DNM3: variants seen among roughly 807,000 people sequenced by gnomAD.
The protein encoded by DNM3 is dynamin 3, also known as dynamin-3.
In DNM3, 47 loss-of-function variants were observed where a neutral mutation model predicts 101.6. The ratio of observed to expected loss-of-function variants is 0.46; its 90% CI spans 0.37 to 0.59. The LOEUF (loss-of-function observed/expected upper bound fraction) is 0.59. DNM3 is among the 20% of genes least tolerant of loss of function. The pLI, the probability that DNM3 is intolerant of heterozygous loss-of-function variation, is 0.00. For synonymous variants in DNM3, 385 were observed against 387.9 expected (o/e 0.99, Z 0.09); for missense variants, 849 against 1,085.7 (o/e 0.78, Z 3.06).
At chr1:172,226,984 G>A (rs995103926) in intron 14 of DNM3, among the ~76,000 whole-genome samples, 3 of 151,406 alleles carry the variant, frequency 2.0e-5, no homozygotes, top group African/African-American at 7.3e-5. Flanking sequence ...GTGAAGTTGG[G>A]GATTTTAATG....
intron 17 of DNM3, among the ~76,000 whole-genome samples, chr1:172,354,030 C>T (rs369770120): frequency 1.3e-5 from 2 of 150,602 alleles, no homozygotes; most frequent in South Asian, 2.1e-4. Flanking sequence ...TCAGTAACTT[C>T]TCCGAAATAG....
intron 4 of DNM3, among the ~76,000 whole-genome samples, chr1:172,025,102 T>A (rs935056773): frequency 6.6e-6 from 1 of 152,214 alleles, no homozygotes; most frequent in Non-Finnish European, 1.5e-5. Flanking sequence ...CTGGGACGCT[T>A]GAGCTTTGTT....
At chr1:172,269,431 C>T (rs577020032) in intron 15 of DNM3, among the ~76,000 whole-genome samples, 1 of 152,108 alleles carries the variant, frequency 6.6e-6, no homozygotes, top group Admixed American at 6.5e-5. Context: ...GATAGGGGAC[C>T]CAATCGCTAG....
chr1:172,195,264 A>G (rs2059906063), intron 14 of DNM3, among the ~76,000 whole-genome samples: 4 of 151,992 alleles, frequency 2.6e-5, no homozygotes, highest in Admixed American at 2.6e-4. Flanking sequence ...TGACTTTTGT[A>G]TATTAATCTT....
intron 4 of DNM3, among the ~76,000 whole-genome samples, chr1:172,017,663 T>A (rs947921935): frequency 6.6e-6 from 1 of 152,120 alleles, no homozygotes; most frequent in Non-Finnish European, 1.5e-5. Context: ...TAGAGAAAAA[T>A]GTTTATTCTC....
intron 13 of DNM3, among the ~76,000 whole-genome samples, chr1:172,124,303 G>C (rs144806782): frequency 3.9e-5 from 6 of 152,032 alleles, no homozygotes; most frequent in Non-Finnish European, 7.4e-5. Flanking sequence ...TGCATTTACC[G>C]TCAAGGGGGA....
chr1:172,261,294 T>C (rs1342913583), intron 15 of DNM3, among the ~76,000 whole-genome samples: 2 of 152,220 alleles, frequency 1.3e-5, no homozygotes, highest in Non-Finnish European at 2.9e-5. Flanking sequence ...TTTTCTGACA[T>C]GTATCTATGG....
At chr1:172,087,804 A>G (rs2053636868) in intron 12 of DNM3, among the ~76,000 whole-genome samples, 1 of 152,170 alleles carries the variant, frequency 6.6e-6, no homozygotes, top group African/African-American at 2.4e-5. Flanking sequence ...TGTTACTTTC[A>G]GAATAAAGTC....
chr1:172,225,574 ATTT>A (rs11339745), intron 14 of DNM3, among the ~76,000 whole-genome samples: 13 of 148,734 alleles, frequency 8.7e-5, no homozygotes, highest in African/African-American at 3.2e-4. Flanking sequence ...CCAAATGACC[ATTT>A]TTTTTTTGCC....
intron 15 of DNM3, among the ~76,000 whole-genome samples, chr1:172,264,169 T>A (rs941167158): frequency 6.6e-6 from 1 of 152,208 alleles, no homozygotes; most frequent in Non-Finnish European, 1.5e-5. Context: ...ATAGTATTAG[T>A]CAAAGCCAAT....
chr1:172,380,540 A>T (rs1214298661), intron 18 of DNM3, among the ~76,000 whole-genome samples: 1 of 152,054 alleles, frequency 6.6e-6, no homozygotes, highest in East Asian at 1.9e-4. Flanking sequence ...GAAATGTGGG[A>T]ACTATGAATT....
At chr1:172,272,613 T>C (rs973455599) in intron 15 of DNM3, among the ~76,000 whole-genome samples, 2 of 152,164 alleles carry the variant, frequency 1.3e-5, no homozygotes, top group African/African-American at 4.8e-5. Flanking sequence ...TCTTTGAGGA[T>C]TAGTTAGTAC....
chr1:172,033,437 C>T (rs757954903), intron 6 of DNM3, among the ~76,000 whole-genome samples, 172 bp downstream of exon 6: 1 of 152,040 alleles, frequency 6.6e-6, no homozygotes, highest in East Asian at 1.9e-4. Flanking sequence ...TATTACCGTT[C>T]TCAGTGAATA....
chr1:171,862,089 T>A (rs933340312), intron 1 of DNM3, among the ~76,000 whole-genome samples: 2 of 152,078 alleles, frequency 1.3e-5, no homozygotes, highest in Non-Finnish European at 2.9e-5. Flanking sequence ...CAACTGCTGG[T>A]GAGGATGTGG....
At chr1:172,366,288 A>T (rs1327745343) in intron 17 of DNM3, among the ~76,000 whole-genome samples, 1 of 151,940 alleles carries the variant, frequency 6.6e-6, no homozygotes, top group East Asian at 1.9e-4. Flanking sequence ...GAAAAACAAA[A>T]CAAAACCAAC....
At chr1:171,951,220 T>C (rs1202008415) in intron 2 of DNM3, among the ~76,000 whole-genome samples, 1 of 152,196 alleles carries the variant, frequency 6.6e-6, no homozygotes, top group Non-Finnish European at 1.5e-5. Context: ...TGACATTCCC[T>C]CCTGTTCTTT....
At chr1:172,080,326 G>T (rs2053038134) in intron 11 of DNM3, among the ~76,000 whole-genome samples, 1 of 152,172 alleles carries the variant, frequency 6.6e-6, no homozygotes, top group South Asian at 2.1e-4. Context: ...CCTGCCCAGA[G>T]AGGAGGAACC....
At chr1:172,088,993 C>A (rs1440096380) in intron 12 of DNM3, among the ~76,000 whole-genome samples, 1 of 152,208 alleles carries the variant, frequency 6.6e-6, no homozygotes, top group Non-Finnish European at 1.5e-5. Context: ...CAATTTGGTT[C>A]TACGTTTTAG....
chr1:171,955,730 T>C (rs1481783017), intron 2 of DNM3, among the ~76,000 whole-genome samples: 1 of 152,140 alleles, frequency 6.6e-6, no homozygotes, highest in African/African-American at 2.4e-5. Flanking sequence ...TAGTAGAAGC[T>C]AACTGGGCTG....
Sources: gnomAD v4.1 joint callset for allele counts (sites outside exome capture counted in the v4.1 genomes callset) on GRCh38, gnomAD v4.1.1 for gene constraint, MANE v1.5 for transcripts, NCBI Gene and HGNC (gene_info 2026-07-23, HGNC 2026-07-21) for gene names.